The following MEIS2 variants were observed in gnomAD, a reference collection of about 807,000 sequenced individuals.
MEIS2 encodes the protein Meis homeobox 2, also known as homeobox protein Meis2.
In MEIS2, 9 loss-of-function variants were observed where a neutral mutation model predicts 58.6. The observed-to-expected ratio is 0.15, with a 90% CI of 0.09 to 0.27. The LOEUF (loss-of-function observed/expected upper bound fraction) is 0.27. Ranked by LOEUF, MEIS2 falls within the 10% of genes least tolerant of loss-of-function variation. The pLI is 1.00. For synonymous variants in MEIS2, 221 were observed against 228.4 expected, an observed-to-expected ratio of 0.97 and a Z score of 0.29; for missense variants, 427 against 635.0, an observed-to-expected ratio of 0.67 and a Z score of 3.52.
intron 11 of MEIS2, among the ~76,000 whole-genome samples, chr15:36,894,203 A>C (rs985097035): frequency 6.6e-6 from 1 of 152,216 alleles, no homozygotes; most frequent in Non-Finnish European, 1.5e-5. Flanking sequence ...CTAGTGAAGA[A>C]TCAATGGTGT....
At chr15:36,951,584 C>T (rs930885238) in intron 8 of MEIS2, among the ~76,000 whole-genome samples, 7 of 152,086 alleles carry the variant, frequency 4.6e-5, no homozygotes, top group Admixed American at 4.6e-4. Flanking sequence ...CGCACAATTA[C>T]TTATTAGCAA....
chr15:37,056,596 G>C (rs533012646), intron 7 of MEIS2, among the ~76,000 whole-genome samples: 1 of 152,292 alleles, frequency 6.6e-6, no homozygotes, highest in Non-Finnish European at 1.5e-5. Flanking sequence ...CGGAGGCAGG[G>C]AACAAAGCGA....
intron 4 of MEIS2, among the ~76,000 whole-genome samples, chr15:37,094,834 A>G (rs1893999822): frequency 6.7e-6 from 1 of 150,104 alleles, no homozygotes; most frequent in Non-Finnish European, 1.5e-5. Context: ...CCTGATGTTC[A>G]CTGTGCTATT....
chr15:36,912,010 A>G (rs981038239), intron 9 of MEIS2, among the ~76,000 whole-genome samples: 4 of 152,088 alleles, frequency 2.6e-5, no homozygotes, highest in Admixed American at 6.6e-5. Context: ...CCTTTTATTC[A>G]CTTTGTTGTA....
intron 9 of MEIS2, among the ~76,000 whole-genome samples, chr15:36,909,884 T>G (rs2056922607): frequency 2.0e-5 from 3 of 148,210 alleles, no homozygotes; most frequent in East Asian, 2.0e-4. Context: ...GAGAGAGGGA[T>G]AGAGAATAGA....
chr15:36,952,471 T>G (rs2058785319), intron 8 of MEIS2, among the ~76,000 whole-genome samples: 1 of 152,084 alleles, frequency 6.6e-6, no homozygotes, highest in Non-Finnish European at 1.5e-5. Context: ...TGTCTTCCAG[T>G]GTGCTGTTTC....
chr15:36,968,883 AG>A (rs35559191), intron 8 of MEIS2, among the ~76,000 whole-genome samples: 50,944 of 152,084 alleles, frequency 0.33, 9,071 homozygotes, highest in Non-Finnish European at 0.41. Context: ...TGCCTAGCTC[AG>A]AACTGTATAG....
chr15:37,010,079 T>C (rs1041766620), intron 8 of MEIS2, among the ~76,000 whole-genome samples: 3 of 152,080 alleles, frequency 2.0e-5, no homozygotes, highest in African/African-American at 4.8e-5. Flanking sequence ...CACTGTGGGT[T>C]TTTTTTGTTT....
At chr15:36,915,198 GA>G (rs5811947) in intron 9 of MEIS2, among the ~76,000 whole-genome samples, 56,969 of 145,780 alleles carry the variant, frequency 0.39, 12,450 homozygotes, top group East Asian at 0.79. Context: ...CAACTTCTGG[GA>G]AAAAAAAAAA....
intron 8 of MEIS2, among the ~76,000 whole-genome samples, chr15:36,992,083 C>T (rs879824968): frequency 6.6e-5 from 10 of 151,892 alleles, no homozygotes; most frequent in East Asian, 1.9e-4. Flanking sequence ...CCACCGCGCC[C>T]GGCCTAAAGT....
intron 6 of MEIS2, among the ~76,000 whole-genome samples, chr15:37,092,617 C>T (rs550963593): frequency 2.7e-5 from 4 of 149,456 alleles, no homozygotes; most frequent in East Asian, 4.0e-4. Flanking sequence ...TCTTTAACCT[C>T]GCCACTCTTG....
At chr15:37,031,235 T>C (rs371110635) in intron 8 of MEIS2, among the ~76,000 whole-genome samples, 1 of 152,064 alleles carries the variant, frequency 6.6e-6, no homozygotes, top group Admixed American at 6.6e-5. Context: ...TGGCTCAAGA[T>C]CAAAAATCTA....
chr15:37,079,300 G>A (rs1156551521), intron 7 of MEIS2, among the ~76,000 whole-genome samples: 1 of 152,108 alleles, frequency 6.6e-6, no homozygotes, highest in Admixed American at 6.5e-5. Context: ...GACCAGTTTT[G>A]GATGAACTTA....
In MEIS2 at chr15:36,889,853, A is replaced by G. The variant is rs1356732587; in HGVS notation, c.*2320T>C. On this transcript the variant is annotated 3_prime_UTR_variant, in exon 12 of 12. Transcript: ENST00000561208. ...TGTAAAATAGAATAGCAAAAATGAGAGGGAAGCTATCTCTCTTTCCCAAGT... is the reference window on the plus strand; with the variant it reads ...TGTAAAATAGAATAGCAAAAATGAGGGGGAAGCTATCTCTCTTTCCCAAGT... 1.3e-5 allele frequency: 2 copies of G among 152,222 alleles called. No individual in the cohort carries two copies. The highest frequency in any genetic ancestry group is 2.9e-5 in the Non-Finnish European group (2 of 68,036). 9.4% of individuals were successfully genotyped at this position (152,222 alleles called of 1,614,324 possible).
chr15:37,096,228 C>G, intron 3 of MEIS2, 61 bp downstream of exon 3: 1 of 1,486,450 alleles, frequency 6.7e-7, no homozygotes, highest in Non-Finnish European at 9.0e-7. Flanking sequence ...AGTAAAGCTC[C>G]GAGGAAAGGG....
At chr15:36,905,187 C>T (rs2056669953) in intron 9 of MEIS2, among the ~76,000 whole-genome samples, 1 of 151,344 alleles carries the variant, frequency 6.6e-6, no homozygotes, top group African/African-American at 2.4e-5. Flanking sequence ...CATATACACA[C>T]ATACATACAG....
At chr15:37,056,483 A>G (rs1020230465) in intron 7 of MEIS2, among the ~76,000 whole-genome samples, 1 of 152,232 alleles carries the variant, frequency 6.6e-6, no homozygotes, top group Non-Finnish European at 1.5e-5. Flanking sequence ...AACAAAAAAA[A>G]TGAATTAAGA....
At chr15:37,050,267 A>G (rs944803295) in intron 7 of MEIS2, among the ~76,000 whole-genome samples, 1 of 152,174 alleles carries the variant, frequency 6.6e-6, no homozygotes, top group Non-Finnish European at 1.5e-5. Context: ...CAAGTCAAAA[A>G]CCATATCTCT....
At chr15:37,019,435 A>G (rs2061449824) in intron 8 of MEIS2, among the ~76,000 whole-genome samples, 1 of 152,180 alleles carries the variant, frequency 6.6e-6, no homozygotes, top group Non-Finnish European at 1.5e-5. Context: ...AAGCTATGTC[A>G]ATGGAATATG....
Sources: gnomAD v4.1 joint callset for allele counts (sites outside exome capture counted in the v4.1 genomes callset) on GRCh38, gnomAD v4.1.1 for gene constraint, MANE v1.5 for transcripts, NCBI Gene and HGNC (gene_info 2026-07-23, HGNC 2026-07-21) for gene names.